The following SLC45A4 variants were observed in gnomAD, a reference collection of about 807,000 sequenced individuals.
SLC45A4 encodes the protein solute carrier family 45 member 4.
SLC45A4 carries 32 observed loss-of-function variants against 63.7 expected under a neutral mutation model. That is an observed-to-expected ratio of 0.50 (90% CI 0.38 to 0.67). SLC45A4 has a LOEUF of 0.67. Among genes scored for constraint, SLC45A4 ranks in the 30% least tolerant of loss-of-function variants. SLC45A4 has a pLI of 0.00. For synonymous variants in SLC45A4, 535 were observed against 510.0 expected (o/e 1.05, Z -0.66); for missense variants, 1,027 against 1,157.7 (o/e 0.89, Z 1.64).
At chr8:141,291,803 C>T (rs980808460) in intron 1 of SLC45A4, among the ~76,000 whole-genome samples, 1 of 152,228 alleles carries the variant, frequency 6.6e-6, no homozygotes, top group Admixed American at 6.5e-5. Context: ...TAGGTGTTAA[C>T]TCATGCATTT....
At chr8:141,299,449 A>AT (rs1830671888) in intron 1 of SLC45A4, among the ~76,000 whole-genome samples, 7 of 152,250 alleles carry the variant, frequency 4.6e-5, no homozygotes, top group South Asian at 2.1e-4. Context: ...CTGCAAGTCC[A>AT]TAACAAGACC....
intron 2 of SLC45A4, among the ~76,000 whole-genome samples, chr8:141,242,238 C>T (rs765309438): frequency 1.3e-5 from 2 of 152,188 alleles, no homozygotes; most frequent in Non-Finnish European, 2.9e-5. Context: ...ATGACCAGGA[C>T]GATGATCAAA....
intron 2 of SLC45A4, among the ~76,000 whole-genome samples, chr8:141,223,327 A>C (rs577067828): frequency 6.6e-6 from 1 of 152,328 alleles, no homozygotes; most frequent in East Asian, 1.9e-4. Context: ...GAGAGTTTAC[A>C]CGGCAGACCC....
At chr8:141,231,819 C>G (rs1372120303) in intron 2 of SLC45A4, among the ~76,000 whole-genome samples, 1 of 152,348 alleles carries the variant, frequency 6.6e-6, no homozygotes, top group Non-Finnish European at 1.5e-5. Flanking sequence ...TGAGACTGCT[C>G]TGTGTGCGCG....
intron 1 of SLC45A4, among the ~76,000 whole-genome samples, chr8:141,274,459 G>A (rs71516613): frequency 5.3e-5 from 8 of 151,752 alleles, no homozygotes; most frequent in African/African-American, 1.9e-4. Flanking sequence ...GCTTGAACCC[G>A]GGAGGCGGAG....
intron 1 of SLC45A4, among the ~76,000 whole-genome samples, chr8:141,276,811 T>G (rs1399610067): frequency 6.6e-6 from 1 of 152,172 alleles, no homozygotes; most frequent in Non-Finnish European, 1.5e-5. Flanking sequence ...CTTGTCTGGG[T>G]AGTTTACAGC....
Position 141,209,245 on chromosome 8 carries a change from C to A in SLC45A4, c.*2327G>T, listed in dbSNP as rs1284897176. 6.6e-6 allele frequency: 1 copy of A among 152,444 alleles called. No individual in the cohort carries two copies. Among genetic ancestry groups the A allele is most frequent in the Non-Finnish European group, 1.5e-5 (1 of 68,154 alleles). The allele number at this position is 152,444 out of a possible 1,614,324, so 9.4% of individuals were successfully genotyped here. A position where few individuals can be genotyped will look rare whatever the true frequency, so the allele number is the denominator to read the frequency against. On this transcript the variant is annotated 3_prime_UTR_variant, in exon 9 of 9. Transcript: ENST00000517878. ...CACAGACACCCGAGCTGCAGCCTGA[C>A]CCACACAAGCTGCGGGCGCAATGGC...
At chr8:141,244,801 G>A (rs985666664) in intron 2 of SLC45A4, among the ~76,000 whole-genome samples, 1 of 152,124 alleles carries the variant, frequency 6.6e-6, no homozygotes, top group Non-Finnish European at 1.5e-5. Context: ...CGGGGCTCAG[G>A]ACGGGACACA....
chr8:141,254,408 G>A lies in SLC45A4; in HGVS notation c.-179C>T. On this transcript the variant is annotated 5_prime_UTR_variant, in exon 2 of 9. Coordinates refer to ENST00000517878, the MANE Select transcript of SLC45A4 (RefSeq NM_001286646.2). The surrounding 1 kb of genome is among the most constrained non-coding windows in gnomAD (Gnocchi z 4.5). ...ATCTCACAACTTCTCACAACGGTAT[G>A]AGACATGCAGCAACACAGAACGATT... is the stretch of plus-strand genomic sequence containing the variant. 1.4e-6 allele frequency: 1 copy of A among 725,382 alleles called. No individual in the cohort carries two copies. Among genetic ancestry groups the A allele is most frequent in the Non-Finnish European group, 2.3e-6 (1 of 441,874 alleles). 44.9% of individuals were successfully genotyped at this position (725,382 alleles called of 1,614,324 possible).
At chr8:141,211,776 G>A in intron 8 of SLC45A4, 79 bp from the exon 9 acceptor site, 1 of 1,400,206 alleles carries the variant, frequency 7.1e-7, no homozygotes, top group Non-Finnish European at 9.3e-7. Flanking sequence ...ATAAGACTTA[G>A]CAGAGAATGT....
intron 2 of SLC45A4, among the ~76,000 whole-genome samples, chr8:141,245,072 C>G (rs1359749306): frequency 6.6e-6 from 1 of 151,764 alleles, no homozygotes; most frequent in Non-Finnish European, 1.5e-5. Context: ...AGGCCCTCGA[C>G]AAGTTACCAC....
rs1357277942 is a variant in SLC45A4, at chr8:141,308,164, G to C, written c.-469C>G. 1.4e-5 allele frequency: 2 copies of C among 147,734 alleles called. No homozygotes were observed. The highest frequency in any genetic ancestry group is 4.9e-5 in the African/African-American group (2 of 40,866). The allele number at this position is 147,734 out of a possible 1,614,324, so 9.2% of individuals were successfully genotyped here. On this transcript the variant is annotated 5_prime_UTR_variant, in exon 1 of 9. Coordinates refer to ENST00000517878, the MANE Select transcript of SLC45A4 (RefSeq NM_001286646.2). Reference sequence around the variant, plus strand: ...GCCGGGCCGGGCAGGGGCTACGGGGGCGCGGAGCCCCGGGCGCACCGGGGT... The same window carrying C: ...GCCGGGCCGGGCAGGGGCTACGGGGCCGCGGAGCCCCGGGCGCACCGGGGT...
chr8:141,219,898 G>A, intron 3 of SLC45A4, 69 bp from the exon 4 acceptor site: 1 of 1,420,900 alleles, frequency 7.0e-7, no homozygotes. Flanking sequence ...ATAGCAAACA[G>A]CCACATGGAA....
At chr8:141,270,335 TG>T (rs1473093533) in intron 1 of SLC45A4, among the ~76,000 whole-genome samples, 3 of 150,120 alleles carry the variant, frequency 2.0e-5, no homozygotes, top group East Asian at 3.9e-4. Flanking sequence ...AAGACCACCC[TG>T]GGCGACACAG....
intron 2 of SLC45A4, chr8:141,225,070 T>A (rs1826889578): frequency 6.6e-6 from 1 of 152,250 alleles, no homozygotes. Flanking sequence ...CTGAGCATGT[T>A]TTCTGTCCTT....
chr8:141,250,287 T>C (rs1828402443), intron 2 of SLC45A4, among the ~76,000 whole-genome samples: 1 of 152,226 alleles, frequency 6.6e-6, no homozygotes, highest in South Asian at 2.1e-4. Context: ...TCATACACAC[T>C]GGTTTTCACT....
chr8:141,266,855 T>C, intron 1 of SLC45A4, among the ~76,000 whole-genome samples: 1 of 152,162 alleles, frequency 6.6e-6, no homozygotes. Context: ...GGCCCAGATG[T>C]TGAAGTGCCT....
At chr8:141,216,413 C>A (rs930840048) in intron 6 of SLC45A4, among the ~76,000 whole-genome samples, 1 of 152,248 alleles carries the variant, frequency 6.6e-6, no homozygotes, top group African/African-American at 2.4e-5. Context: ...TTCCCTCACC[C>A]TTCCTGATGC....
intron 2 of SLC45A4, among the ~76,000 whole-genome samples, chr8:141,249,891 T>C (rs1277964382): frequency 6.6e-6 from 1 of 152,258 alleles, no homozygotes; most frequent in East Asian, 1.9e-4. Flanking sequence ...ATTAAAGCCC[T>C]GTTCCTATAA....
Sources: allele counts gnomAD v4.1 joint callset (sites outside exome capture counted in the v4.1 genomes callset), GRCh38; gene constraint gnomAD v4.1.1; non-coding constraint Gnocchi (gnomAD v3.1); transcripts MANE v1.5; gene names NCBI Gene and HGNC (gene_info 2026-07-23, HGNC 2026-07-21).